ABCB7: variants seen among roughly 807,000 people sequenced by gnomAD.
The protein encoded by ABCB7 is iron-sulfur clusters transporter ABCB7, mitochondrial.
Under a neutral mutation model 54.4 loss-of-function variants are expected in ABCB7, and 7 were observed. The ratio of observed to expected loss-of-function variants is 0.13; its 90% CI spans 0.07 to 0.24. The LOEUF (loss-of-function observed/expected upper bound fraction) is 0.24, where lower values mean the gene tolerates loss of function less well. ABCB7 is among the 10% of genes least tolerant of loss of function. The probability of loss-of-function intolerance (pLI) is 1.00; values close to 1 mark genes in which losing one functional copy is unlikely to be tolerated. For missense variants in ABCB7, 356 were observed against 570.4 expected, an observed-to-expected ratio of 0.62 and a Z score of 3.83; for synonymous variants, 218 against 207.1, an observed-to-expected ratio of 1.05 and a Z score of -0.45.
At chrX:75,097,909 T>C (rs1367169384) in intron 4 of ABCB7, among the ~76,000 whole-genome samples, 1 of 111,972 alleles carries the variant, frequency 8.9e-6, no homozygotes, top group Non-Finnish European at 1.9e-5. Context: ...ACTAAACAAC[T>C]TGCTTAAGGT....
At chrX:75,070,549 A>G in intron 9 of ABCB7, 27 bp from the exon 10 acceptor site, 1 of 1,187,322 alleles carries the variant, frequency 8.4e-7, no homozygotes, top group Non-Finnish European at 1.1e-6. Context: ...AAAAAAGGGT[A>G]TTTTAGATAA....
intron 1 of ABCB7, among the ~76,000 whole-genome samples, chrX:75,142,354 A>G (rs1383222712): frequency 8.9e-6 from 1 of 112,045 alleles, no homozygotes; most frequent in Non-Finnish European, 1.9e-5. Flanking sequence ...AAGGGAAAAA[A>G]GTCTGTAAAT....
Position 75,053,447 on chromosome X carries a change from A to G in ABCB7, c.2182T>C (p.Ser728Pro), listed in dbSNP as rs2081210922. The G allele has an allele frequency of 2.5e-6, 3 of 1,209,071 alleles. No homozygotes were observed. The highest frequency in any genetic ancestry group is 2.3e-4 in the Middle Eastern group (1 of 4,372). Reference sequence around the variant, plus strand: ...AGTTTCTTTCTTTCCTCCTCTTTGGATATATTTTCTTTCTTTGCTTCCCAT... The same window carrying G: ...AGTTTCTTTCTTTCCTCCTCTTTGGGTATATTTTCTTTCTTTGCTTCCCAT... ...PKWEAKKENI[S>P]KEEERKKLQE... Residue 728 changes from serine to proline, a missense_variant, in exon 16 of 16, where the codon TCC becomes CCC. Physicochemically the swap from Ser to Pro is moderately conservative, Grantham distance 74. Around this residue, in one of 2 missense-constraint regions of ABCB7, gnomAD observed 241 missense variants for 470.9 expected, o/e 0.51. Transcript: ENST00000373394.
intron 12 of ABCB7, among the ~76,000 whole-genome samples, chrX:75,067,136 C>T (rs1432613066): frequency 8.9e-6 from 1 of 111,842 alleles, no homozygotes; most frequent in Non-Finnish European, 1.9e-5. Flanking sequence ...TATACTTCCA[C>T]CAGCAAAACA....
intron 4 of ABCB7, among the ~76,000 whole-genome samples, chrX:75,077,948 C>G: frequency 9.7e-6 from 1 of 102,930 alleles, no homozygotes; most frequent in Admixed American, 1.1e-4. Context: ...GAGTCTCACT[C>G]TGTCACCCAG....
chrX:75,059,766 C>T (rs192899879), intron 15 of ABCB7, among the ~76,000 whole-genome samples: 123 of 110,956 alleles, frequency 1.1e-3, no homozygotes, highest in Middle Eastern at 4.7e-3. Context: ...CTTACTTTCC[C>T]GAAAAGGAAA....
chrX:75,059,551 G>A (rs759260152), intron 15 of ABCB7, among the ~76,000 whole-genome samples: 2 of 110,998 alleles, frequency 1.8e-5, no homozygotes, highest in Admixed American at 9.6e-5. Flanking sequence ...AAGGCTGAAT[G>A]CAGGGTGGAA....
chrX:75,148,263 G>C (rs890553910), intron 1 of ABCB7, among the ~76,000 whole-genome samples: 1 of 111,755 alleles, frequency 8.9e-6, no homozygotes, highest in Non-Finnish European at 1.9e-5. Context: ...CAATTGAAAA[G>C]CTTAAACATG....
Position 75,076,664 on chromosome X carries a change from T to TA in ABCB7, c.454-11dup, listed in dbSNP as rs2081412565. On this transcript the variant is annotated splice_polypyrimidine_tract_variant and intron_variant, in intron 4 of 15. Transcript: ENST00000373394. Reference sequence around the variant, plus strand: ...CCACAATATTCATGGCCTAAAAACATAAAAACATCAATTACCCATTATACA... The same window carrying TA: ...CCACAATATTCATGGCCTAAAAACATAAAAAACATCAATTACCCATTATACA... The TA allele has an allele frequency of 1.7e-6, 2 of 1,201,550 alleles. No individual in the cohort carries two copies. Among genetic ancestry groups the TA allele is most frequent in the East Asian group, 3.0e-5 (1 of 33,587 alleles).
chrX:75,069,904 C>T (rs1391334955), intron 10 of ABCB7, among the ~76,000 whole-genome samples: 2 of 110,585 alleles, frequency 1.8e-5, no homozygotes, highest in East Asian at 2.8e-4. Context: ...AGACGGAGTT[C>T]GCCCTTGTTG....
chrX:75,115,789 G>GGC (rs2081812012), intron 1 of ABCB7, among the ~76,000 whole-genome samples: 1 of 107,346 alleles, frequency 9.3e-6, no homozygotes, highest in African/African-American at 3.4e-5. Context: ...TGTGTGTTGG[G>GGC]GGGGGGGGCA....
intron 4 of ABCB7, among the ~76,000 whole-genome samples, chrX:75,079,562 C>A (rs1409846961): frequency 9.0e-6 from 1 of 111,549 alleles, no homozygotes; most frequent in Non-Finnish European, 1.9e-5. Context: ...TACAAAGAGA[C>A]CCACGTACCC....
chrX:75,073,316 G>A lies in ABCB7; in HGVS notation c.1032+373C>T, dbSNP rs145835088. Among the ~76,000 whole-genome samples the A allele has an allele frequency of 3.6e-5, 4 of 111,854 alleles. No homozygotes were observed. The East Asian group carries it at 1.1e-3, about 31-fold the overall frequency. On this transcript the variant is annotated intron_variant, in intron 8 of 15. Transcript: ENST00000373394. ...TCCACCAGCATTACCAGAAACACAT[G>A]AGTAATAGAGTAATGAATTGTGCTA...
At chrX:75,127,425 A>G (rs1394247653) in intron 1 of ABCB7, among the ~76,000 whole-genome samples, 1 of 111,936 alleles carries the variant, frequency 8.9e-6, no homozygotes, top group African/African-American at 3.3e-5. Context: ...AATAAGAACT[A>G]TTTATGACAA....
At position 75,078,831 on chromosome X, in the gene ABCB7, C is replaced by T. The variant is rs1050059371; in HGVS notation, c.454-2177G>A. Among the ~76,000 whole-genome samples the T allele has an allele frequency of 3.6e-5, 4 of 111,572 alleles. No individual in the cohort carries two copies. The South Asian group carries it at 1.5e-3, about 42-fold the overall frequency. On this transcript the variant is annotated intron_variant, in intron 4 of 15. Coordinates refer to ENST00000373394, the MANE Select transcript of ABCB7 (RefSeq NM_001271696.3). ...CTTATTTTGCACCCTAAAATGGATG[C>T]TCTCAAATGCACTGTTTAAACCAGC...
chrX:75,108,580 A>AG (rs1413806593), intron 3 of ABCB7, among the ~76,000 whole-genome samples: 6 of 105,904 alleles, frequency 5.7e-5, no homozygotes, highest in African/African-American at 1.8e-4. Context: ...AATTAGATCC[A>AG]GAAAAAAAAA....
Position 75,073,912 on chromosome X carries a change from T to C in ABCB7, c.900A>G (p.Thr300=), listed in dbSNP as rs1237098310. The C allele has an allele frequency of 1.7e-6, 2 of 1,210,995 alleles. No individual in the cohort carries two copies. The highest frequency in any genetic ancestry group is 2.2e-6 in the Non-Finnish European group (2 of 894,716). ...CTGTGAATGCTGTGTATGTACCAAG[T>C]GTTCCAAGGGTTACCAAAGCAAACT... ...GAQFALVTLG[T]LGTYTAFTVA... is the part of the protein sequence containing the mutation. Residue 300 remains threonine (T), a synonymous_variant, in exon 7 of 16, where the codon ACA becomes ACG. Transcript: ENST00000373394.
At chrX:75,071,392 G>T in intron 9 of ABCB7, 117 bp downstream of exon 9, 1 of 833,845 alleles carries the variant, frequency 1.2e-6, no homozygotes, top group Non-Finnish European at 1.8e-6. Context: ...AGTACTCCAA[G>T]GATGTGAAAG....
rs1192646743 is a variant in ABCB7, at chrX:75,144,618, T to C, written c.168+11487A>G. Among the ~76,000 whole-genome samples the C allele has an allele frequency of 7.2e-4, 3 of 4,176 alleles. No individual in the cohort carries two copies. The Non-Finnish European group carries it at 0.15, about 209-fold the overall frequency. 3.6% of individuals were successfully genotyped at this position (4,176 alleles called of 115,157 possible). A position where few individuals can be genotyped will look rare whatever the true frequency, so the allele number is the denominator to read the frequency against. On this transcript the variant is annotated intron_variant, in intron 1 of 15. Coordinates refer to ENST00000373394, the MANE Select transcript of ABCB7 (RefSeq NM_001271696.3). ...ATACTGACCTATTAGCATAGCTGCT[T>C]TTTTTTTTTTTGGCTTTTCTGTATT...
Sources: gnomAD v4.1 joint callset for allele counts (sites outside exome capture counted in the v4.1 genomes callset) on GRCh38, gnomAD v4.1.1 for gene constraint, gnomAD v4.1.1 regional missense constraint, MANE v1.5 for transcripts, NCBI Gene and HGNC (gene_info 2026-07-23, HGNC 2026-07-21) for gene names.